The following KLHL17 variants were observed in gnomAD, a reference collection of about 807,000 sequenced individuals.
KLHL17 encodes kelch like family member 17, also known as kelch-like protein 17.
KLHL17 carries 71 observed loss-of-function variants against 64.6 expected under a neutral mutation model. That is an observed-to-expected ratio of 1.10 (90% confidence interval 0.91 to 1.34). KLHL17 has a LOEUF of 1.34. Ranked by LOEUF, KLHL17 falls within the 40% of genes most tolerant of loss-of-function variation. KLHL17 has a pLI of 0.00. For synonymous variants in KLHL17, 612 were observed against 405.4 expected, an observed-to-expected ratio of 1.51 and a Z score of -6.12; for missense variants, 1,140 against 935.0, an observed-to-expected ratio of 1.22 and a Z score of -2.86.
intron 6 of KLHL17, 48 bp downstream of exon 6, chr1:962,965 C>T (rs764272303): frequency 7.2e-6 from 11 of 1,518,942 alleles, no homozygotes; most frequent in Admixed American, 2.0e-5. Context: ...TTCTACTCCC[C>T]ACCAGCACAA....
chr1:964,942 C>G (rs977173644), intron 11 of KLHL17, 21 bp from the exon 12 acceptor site: 2 of 1,554,946 alleles, frequency 1.3e-6, no homozygotes, highest in East Asian at 4.7e-5. Context: ...CAGCCAGGGG[C>G]TCACCCCGCC....
chr1:963,944 C>T lies in KLHL17; in HGVS notation c.1380C>T (p.Thr460=), dbSNP rs758322175. The change falls in exon 9 of 12, where the codon ACC becomes ACT. Residue 460 remains threonine, a synonymous_variant. Coordinates refer to ENST00000338591, the MANE Select transcript of KLHL17 (RefSeq NM_198317.3). ...GTGCTGAACGCTACGACCCCCTGACCGGAACGTGGACGTCCGTCGCTGCCA... is the reference window on the plus strand; with the variant it reads ...GTGCTGAACGCTACGACCCCCTGACTGGAACGTGGACGTCCGTCGCTGCCA... ...LNSAERYDPL[T]GTWTSVAAMS... is the part of the protein sequence containing the mutation. The T allele has an allele frequency of 9.9e-6, 16 of 1,612,362 alleles. No homozygotes were observed. In the South Asian group the frequency reaches 1.1e-4, roughly 11 times the overall value.
rs746209366 is a variant in KLHL17, at chr1:964,957, C to A, written c.1701-6C>A. The stretch of plus-strand genomic sequence containing the variant: ...CAGCCAGGGGCTCACCCCGCCTTCC[C>A]CCCAGGAGCACGCATGACCTGGTGG... On this transcript the variant is annotated splice_region_variant and splice_polypyrimidine_tract_variant and intron_variant, in intron 11 of 11. Coordinates refer to ENST00000338591, the MANE Select transcript of KLHL17 (RefSeq NM_198317.3). The A allele has an allele frequency of 2.5e-6, 4 of 1,594,006 alleles. No individual in the cohort carries two copies. The highest frequency in any genetic ancestry group is 3.4e-6 in the Non-Finnish European group (4 of 1,167,110).
intron 8 of KLHL17, 139 bp from the exon 9 acceptor site, chr1:963,781 G>T (rs564228741): frequency 9.7e-7 from 1 of 1,033,722 alleles, no homozygotes; most frequent in South Asian, 1.4e-5. Context: ...CCACCAGCGG[G>T]CCCTGCCTGG....
Position 961,643 on chromosome 1 carries a change from A to G in KLHL17, c.382A>G (p.Ser128Gly). 6.2e-7 allele frequency: 1 copy of G among 1,612,720 alleles called. No homozygotes were observed. Among genetic ancestry groups the G allele is most frequent in the South Asian group, 1.1e-5 (1 of 91,078 alleles). ...TGTCCCCGCAGATGAGATGAGCGAG[A>G]GCCGCCAGACCCACGTGACGCTGCA... ...HAMFTNEMSE[S>G]RQTHVTLHDI... Residue 128 changes from serine to glycine, a missense_variant, in exon 3 of 12, where the codon AGC becomes GGC. Transcript: ENST00000338591.
chr1:961,907 C>G lies in KLHL17; in HGVS notation c.571C>G (p.Pro191Ala). ...CAAGTTTCTACTGAGTCAGCTCGACCCCTCCAACTGCCTGGGTATCCGGGG... is the reference window on the plus strand; with the variant it reads ...CAAGTTTCTACTGAGTCAGCTCGACGCCTCCAACTGCCTGGGTATCCGGGG... Reference protein sequence around the residue: ...CCKFLLSQLDPSNCLGIRGFA... With the variant: ...CCKFLLSQLDASNCLGIRGFA... Residue 191 changes from proline to alanine, a missense_variant, in exon 4 of 12, where the codon CCC becomes GCC. Coordinates refer to ENST00000338591, the MANE Select transcript of KLHL17 (RefSeq NM_198317.3). The G allele has an allele frequency of 2.5e-6, 4 of 1,612,938 alleles. No individual in the cohort carries two copies. The highest frequency in any genetic ancestry group is 1.6e-4 in the Middle Eastern group (1 of 6,062).
In KLHL17 at chr1:965,205, A is replaced by C; in HGVS notation, c.*14A>C. 1 of 1,608,342 alleles carries C rather than the reference A, an allele frequency of 6.2e-7. No individual in the cohort carries two copies. The highest frequency in any genetic ancestry group is 2.2e-5 in the East Asian group (1 of 44,786). On this transcript the variant is annotated 3_prime_UTR_variant, in exon 12 of 12. Coordinates refer to ENST00000338591, the MANE Select transcript of KLHL17 (RefSeq NM_198317.3). ...ACCAGCCTCTGACCCACCTACCACC[A>C]GAGGCCTGCAGCCTCCCACATGCCT...
chr1:964,821 C>T (rs1274399377), intron 11 of KLHL17, 142 bp from the exon 12 acceptor site: 3 of 647,038 alleles, frequency 4.6e-6, no homozygotes, highest in Admixed American at 5.9e-5. Context: ...GAGGGGGGCG[C>T]GGGTCCGCAG....
At chr1:964,837 A>G in intron 11 of KLHL17, 126 bp from the exon 12 acceptor site, 1 of 811,592 alleles carries the variant, frequency 1.2e-6, no homozygotes. Context: ...CGCAGTGGGG[A>G]TGTGCTGTGA....
chr1:962,682 C>G, intron 5 of KLHL17, 22 bp from the exon 6 acceptor site: 2 of 1,568,370 alleles, frequency 1.3e-6, no homozygotes, highest in African/African-American at 1.3e-5. Flanking sequence ...CCCGCCTGAC[C>G]TTGGCGTTCC....
intron 4 of KLHL17, 86 bp from the exon 5 acceptor site, chr1:962,269 C>T (rs2100417460): frequency 1.9e-6 from 3 of 1,602,118 alleles, no homozygotes; most frequent in South Asian, 2.2e-5. Flanking sequence ...CCCCCACCTG[C>T]TAACCCTCCC....
chr1:962,546 A>C (rs964069371), intron 5 of KLHL17, 75 bp downstream of exon 5: 11 of 1,572,918 alleles, frequency 7.0e-6, no homozygotes, highest in African/African-American at 1.4e-5. Flanking sequence ...GTGCACCCTG[A>C]CCTTCCCCGA....
At chr1:960,891 C>A (rs112905931) in intron 1 of KLHL17, 91 bp downstream of exon 1, 1 of 890,490 alleles carries the variant, frequency 1.1e-6, no homozygotes, top group South Asian at 5.1e-5. Flanking sequence ...GCGGGGGCCG[C>A]TTCCGAGGGC....
At position 960,744 on chromosome 1, in the gene KLHL17, C is replaced by G; in HGVS notation, c.51C>G (p.His17Gln). ...RPAGRTQSPE[H>Q]GSPGPGPEAP... Reference sequence around the variant, plus strand: ...CCGGCAGGACGCAGAGCCCGGAGCACGGCAGCCCGGGGCCCGGGCCCGAGG... The same window carrying G: ...CCGGCAGGACGCAGAGCCCGGAGCAGGGCAGCCCGGGGCCCGGGCCCGAGG... Residue 17 changes from histidine (H) to glutamine (Q), a missense_variant, in exon 1 of 12, where the codon CAC (histidine) becomes CAG (glutamine). By Grantham distance (24) the His-to-Gln change is conservative. Coordinates refer to ENST00000338591, the MANE Select transcript of KLHL17 (RefSeq NM_198317.3). 8.2e-7 allele frequency: 1 copy of G among 1,221,996 alleles called. No individual in the cohort carries two copies. Among genetic ancestry groups the G allele is most frequent in the South Asian group, 2.6e-5 (1 of 38,262 alleles). 75.7% of individuals were successfully genotyped at this position (1,221,996 alleles called of 1,614,324 possible).
intron 6 of KLHL17, 74 bp from the exon 7 acceptor site, chr1:963,034 GC>G (rs1420825756): frequency 1.3e-6 from 2 of 1,565,542 alleles, no homozygotes; most frequent in Middle Eastern, 1.7e-4. Context: ...CCATTCAGGG[GC>G]CTCTCCAGGA....
rs1642909823 is a variant in KLHL17 at position 965,414 on chromosome 1, C to G, written c.*223C>G. 1.1e-5 allele frequency: 6 copies of G among 559,006 alleles called. No homozygotes were observed. The South Asian group carries it at 1.4e-4, about 13-fold the overall frequency. The allele number at this position is 559,006 out of a possible 1,614,324, so 34.6% of individuals were successfully genotyped here. On this transcript the variant is annotated 3_prime_UTR_variant, in exon 12 of 12. Transcript: ENST00000338591. ...GTCTGGTCCTCCTGCGTGTCCTCCC[C>G]TCCACTGCCTGCATGGGGGGCGCGG...
At position 961,414 on chromosome 1, in the gene KLHL17, G is replaced by T; in HGVS notation, c.229G>T (p.Asp77Tyr). 6.2e-7 allele frequency: 1 copy of T among 1,611,386 alleles called. No individual in the cohort carries two copies. Among genetic ancestry groups the T allele is most frequent in the Non-Finnish European group, 8.5e-7 (1 of 1,179,544 alleles). ...CCACAACTCCAAGCGGCACTACCAC[G>T]ATGCCTTCGTGGCCATGAGCCGCAT... is the stretch of plus-strand genomic sequence containing the variant. ...VAHNSKRHYH[D>Y]AFVAMSRMRQ... The change falls in exon 2 of 12, where the codon GAT becomes TAT. Residue 77 changes from aspartate (D) to tyrosine (Y), a missense_variant. Coordinates refer to ENST00000338591, the MANE Select transcript of KLHL17 (RefSeq NM_198317.3).
chr1:962,480 C>T lies in KLHL17; in HGVS notation c.828+9C>T, dbSNP rs1279570566. The T allele has an allele frequency of 1.8e-5, 29 of 1,611,626 alleles. No individual in the cohort carries two copies. Among genetic ancestry groups the T allele is most frequent in the East Asian group, 2.2e-5 (1 of 44,872 alleles). ...GGCAGCATGTCCCACGGGTGAGGCG[C>T]GGCCGCGGGGGGCTCCCACAGCATC... is the stretch of plus-strand genomic sequence containing the variant. On this transcript the variant is annotated intron_variant, in intron 5 of 11. Coordinates refer to ENST00000338591, the MANE Select transcript of KLHL17 (RefSeq NM_198317.3).
chr1:963,509 T>C lies in KLHL17; in HGVS notation c.1355+5T>C. On this transcript the variant is annotated splice_donor_5th_base_variant and intron_variant, in intron 8 of 11. Transcript: ENST00000338591. Reference sequence around the variant, plus strand: ...CGGGGCCTCCTGCCTGAACAGGTAGTTGGGGTTGGGGCCCCAGTGGCTTTG... The same window carrying C: ...CGGGGCCTCCTGCCTGAACAGGTAGCTGGGGTTGGGGCCCCAGTGGCTTTG... The C allele has an allele frequency of 1.2e-6, 2 of 1,602,216 alleles. No homozygotes were observed. Among genetic ancestry groups the C allele is most frequent in the South Asian group, 2.2e-5 (2 of 90,310 alleles).
Sources: gnomAD v4.1 joint callset for allele counts on GRCh38, gnomAD v4.1.1 for gene constraint, MANE v1.5 for transcripts, NCBI Gene and HGNC (gene_info 2026-07-23, HGNC 2026-07-21) for gene names.